BRINP3: variants seen among roughly 807,000 people sequenced by gnomAD.
BRINP3 encodes the protein BMP/retinoic acid inducible neural specific 3.
A neutral mutation model predicts 71.0 loss-of-function variants in BRINP3; 19 were observed. The observed-to-expected ratio is 0.27, with a 90% CI of 0.19 to 0.39. The LOEUF (loss-of-function observed/expected upper bound fraction) is 0.39, where lower values mean the gene tolerates loss of function less well. Among genes scored for constraint, BRINP3 ranks in the 10% least tolerant of loss-of-function variants. The probability of loss-of-function intolerance (pLI) is 1.00; values close to 1 mark genes in which losing one functional copy is unlikely to be tolerated. For synonymous variants in BRINP3, 380 were observed against 337.7 expected (o/e 1.13, Z -1.37); for missense variants, 959 against 940.8 (o/e 1.02, Z -0.25).
Position 190,319,611 on chromosome 1 carries a change from G to C in BRINP3, c.237-37861C>G, listed in dbSNP as rs558814152. On this transcript the variant is annotated intron_variant, in intron 2 of 7. Transcript: ENST00000367462. ...CAAATCATGGTGGAAGGCAAAGGGA[G>C]AGCCAGCATGTCTTACATGGCCCGA... is the stretch of plus-strand genomic sequence containing the variant. Among the ~76,000 whole-genome samples, 52 of 152,198 alleles carry C rather than the reference G, an allele frequency of 3.4e-4. 2 individuals carry two copies. The highest frequency in any genetic ancestry group is 6.8e-3 in the Middle Eastern group (2 of 294).
chr1:190,331,480 G>C (rs1375927742), intron 2 of BRINP3, among the ~76,000 whole-genome samples: 1 of 152,038 alleles, frequency 6.6e-6, no homozygotes, highest in East Asian at 1.9e-4. Flanking sequence ...GTGTATGGTA[G>C]AGTCTGTTAA....
chr1:190,465,607 C>T (rs538758604), intron 1 of BRINP3, among the ~76,000 whole-genome samples: 1 of 152,006 alleles, frequency 6.6e-6, no homozygotes, highest in Admixed American at 6.6e-5. Flanking sequence ...CCAGAATCCC[C>T]TCTTACCCCT....
intron 2 of BRINP3, among the ~76,000 whole-genome samples, chr1:190,407,750 TTAAAA>T (rs1301878475): frequency 6.6e-6 from 1 of 152,138 alleles, no homozygotes; most frequent in Non-Finnish European, 1.5e-5. Flanking sequence ...ACCTAATAAC[TTAAAA>T]TAAAAGTTGA....
At chr1:190,222,034 G>C (rs1656937517) in intron 6 of BRINP3, among the ~76,000 whole-genome samples, 1 of 151,720 alleles carries the variant, frequency 6.6e-6, no homozygotes, top group South Asian at 2.1e-4. Context: ...AAGAAAGAAA[G>C]AGCACAGTTA....
intron 7 of BRINP3, among the ~76,000 whole-genome samples, chr1:190,113,826 G>A (rs1652894045): frequency 6.6e-6 from 1 of 152,112 alleles, no homozygotes; most frequent in African/African-American, 2.4e-5. Flanking sequence ...GGACTCCAAA[G>A]CTGTGTGATT....
intron 6 of BRINP3, among the ~76,000 whole-genome samples, chr1:190,210,079 A>G (rs556965807): frequency 3.9e-5 from 6 of 152,128 alleles, no homozygotes; most frequent in Non-Finnish European, 8.8e-5. Flanking sequence ...AACAAAGTCT[A>G]TGTGACCATT....
intron 2 of BRINP3, among the ~76,000 whole-genome samples, chr1:190,453,370 G>A (rs147954439): frequency 0.019 from 2,915 of 151,412 alleles, 99 homozygotes; most frequent in African/African-American, 0.066. Context: ...ACAGGCGCTA[G>A]CCACCACGCC....
intron 6 of BRINP3, among the ~76,000 whole-genome samples, chr1:190,184,642 T>G (rs1653347149): frequency 6.6e-6 from 1 of 151,924 alleles, no homozygotes; most frequent in Non-Finnish European, 1.5e-5. Context: ...AGAAAAAAAA[T>G]ACTTTGTCTT....
intron 2 of BRINP3, among the ~76,000 whole-genome samples, chr1:190,301,210 T>TATATATACTCACATAC (rs1558160695): frequency 9.3e-6 from 1 of 107,828 alleles, no homozygotes; most frequent in South Asian, 3.2e-4. Flanking sequence ...CATACATATA[T>TATATATACTCACATAC]ATATATATAT....
intron 4 of BRINP3, among the ~76,000 whole-genome samples, chr1:190,255,211 C>T (rs886699491): frequency 4.6e-4 from 70 of 150,726 alleles, no homozygotes; most frequent in African/African-American, 1.2e-3. Flanking sequence ...TGATGTTCAT[C>T]AGGGATATTG....
intron 2 of BRINP3, among the ~76,000 whole-genome samples, chr1:190,288,890 T>C (rs1395183365): frequency 3.3e-5 from 5 of 151,972 alleles, no homozygotes; most frequent in African/African-American, 1.2e-4. Flanking sequence ...CTCATAAAGA[T>C]AGGTAAATGT....
intron 2 of BRINP3, among the ~76,000 whole-genome samples, chr1:190,345,829 T>G (rs1667987662): frequency 6.6e-6 from 1 of 151,854 alleles, no homozygotes. Flanking sequence ...TGTTCTTTCT[T>G]TAGAACATTC....
chr1:190,222,015 C>G (rs1656936357), intron 6 of BRINP3, among the ~76,000 whole-genome samples: 1 of 151,810 alleles, frequency 6.6e-6, no homozygotes, highest in African/African-American at 2.4e-5. Flanking sequence ...ATCATCCAGA[C>G]AGAAAATCAA....
At chr1:190,334,719 A>G (rs112259625) in intron 2 of BRINP3, among the ~76,000 whole-genome samples, 2 of 151,798 alleles carry the variant, frequency 1.3e-5, no homozygotes, top group African/African-American at 4.8e-5. Flanking sequence ...TCTCTGAAAC[A>G]AACTTAAACT....
At chr1:190,364,458 C>T (rs751209965) in intron 2 of BRINP3, among the ~76,000 whole-genome samples, 260 of 152,068 alleles carry the variant, frequency 1.7e-3, no homozygotes, top group Non-Finnish European at 2.2e-3. Context: ...ATGCAATAAA[C>T]AACGTGGAGC....
chr1:190,430,038 C>A (rs7535527), intron 2 of BRINP3, among the ~76,000 whole-genome samples: 21,017 of 152,044 alleles, frequency 0.14, 1,573 homozygotes, highest in African/African-American at 0.15. Flanking sequence ...TAGATACTTT[C>A]TTGACATTTG....
rs1430934525 is a variant in BRINP3, at chr1:190,317,170, TCAAA to T, written c.237-35424_237-35421del. Among the ~76,000 whole-genome samples the T allele has an allele frequency of 7.1e-3, 687 of 96,294 alleles. 11 individuals carry two copies. The highest frequency in any genetic ancestry group is 0.012 in the Middle Eastern group (2 of 170). 63.2% of individuals were successfully genotyped at this position (96,294 alleles called of 152,430 possible). On this transcript the variant is annotated intron_variant, in intron 2 of 7. Transcript: ENST00000367462. ...GTGGGTGGCTGAGCGAGAGTCCATC[TCAAA>T]AAAAAAAAAAAAAAAAAAGTCTCTA...
At chr1:190,210,247 T>C (rs1031541493) in intron 6 of BRINP3, among the ~76,000 whole-genome samples, 2 of 152,138 alleles carry the variant, frequency 1.3e-5, no homozygotes, top group Non-Finnish European at 2.9e-5. Context: ...CATATATTTT[T>C]GTAAAACTGA....
At chr1:190,211,821 T>C (rs1407686995) in intron 6 of BRINP3, among the ~76,000 whole-genome samples, 1 of 152,052 alleles carries the variant, frequency 6.6e-6, no homozygotes, top group African/African-American at 2.4e-5. Flanking sequence ...TTAATTGAAG[T>C]TCAGAGCAAA....
Sources: allele counts gnomAD v4.1 joint callset (sites outside exome capture counted in the v4.1 genomes callset), GRCh38; gene constraint gnomAD v4.1.1; transcripts MANE v1.5; gene names NCBI Gene and HGNC (gene_info 2026-07-23, HGNC 2026-07-21).